ANO3: variants seen among roughly 807,000 people sequenced by gnomAD.
ANO3 encodes anoctamin 3.
A neutral mutation model predicts 144.8 loss-of-function variants in ANO3; 99 were observed. The observed-to-expected ratio is 0.68, with a 90% CI of 0.58 to 0.81. ANO3 has a LOEUF of 0.81. Among genes scored for constraint, ANO3 ranks in the 30% least tolerant of loss-of-function variants. The pLI is 0.00. For missense variants in ANO3, 905 were observed against 1,202.2 expected, an observed-to-expected ratio of 0.75 and a Z score of 3.66; for synonymous variants, 414 against 392.6, an observed-to-expected ratio of 1.05 and a Z score of -0.64.
At chr11:26,328,896 A>T (rs932693345), upstream of ANO3, among the ~76,000 whole-genome samples, 1 of 152,202 alleles carries the variant, frequency 6.6e-6, no homozygotes, top group African/African-American at 2.4e-5. Context: ...CCTTTACTCA[A>T]CTTGCAAGCA....
intron 12 of ANO3, among the ~76,000 whole-genome samples, chr11:26,552,449 G>C (rs1011134618): frequency 3.9e-5 from 6 of 152,000 alleles, no homozygotes; most frequent in Non-Finnish European, 7.4e-5. Context: ...TTCTAGAGAA[G>C]AGTTAATTCA....
chr11:26,212,735 T>C (rs549731242), intron 1 of ANO3, among the ~76,000 whole-genome samples: 1 of 152,078 alleles, frequency 6.6e-6, no homozygotes, highest in Non-Finnish European at 1.5e-5. Context: ...TTCCTTCTGA[T>C]ACTATTCTAA....
intron 6 of ANO3, among the ~76,000 whole-genome samples, chr11:26,523,850 A>C (rs1849087632): frequency 6.6e-6 from 1 of 152,168 alleles, no homozygotes; most frequent in Admixed American, 6.6e-5. Context: ...AATGCCAACC[A>C]ACCCTCTCCA....
intron 1 of ANO3, among the ~76,000 whole-genome samples, chr11:26,202,572 G>A (rs1407474123): frequency 2.0e-5 from 3 of 151,622 alleles, no homozygotes; most frequent in Non-Finnish European, 4.4e-5. Flanking sequence ...GAAAGAAGCT[G>A]TAGAGAAAGT....
At position 26,565,554 on chromosome 11, in the gene ANO3, G is replaced by T. The variant is rs1479949276; in HGVS notation, c.1447+5775G>T. 1 of 1,613,138 alleles carries T rather than the reference G, an allele frequency of 6.2e-7. No individual in the cohort carries two copies. The highest frequency in any genetic ancestry group is 2.2e-5 in the East Asian group (1 of 44,856). On this transcript the variant is annotated intron_variant, in intron 14 of 26. Transcript: ENST00000256737. ...AGGGCTTGTGGAAATGGTAGATGTG[G>T]GTTTTAGACTGCCCAAAGAATGCTC... is the stretch of plus-strand genomic sequence containing the variant.
At chr11:26,516,473 C>T (rs999645467) in intron 5 of ANO3, among the ~76,000 whole-genome samples, 1 of 151,696 alleles carries the variant, frequency 6.6e-6, no homozygotes, top group African/African-American at 2.4e-5. Context: ...GTTTTCTTCC[C>T]CCTCTGAACA....
intron 7 of ANO3, among the ~76,000 whole-genome samples, chr11:26,528,244 A>G (rs1849215886): frequency 6.6e-6 from 1 of 152,138 alleles, no homozygotes; most frequent in African/African-American, 2.4e-5. Context: ...TATTTATTTA[A>G]TTCTCAAAAT....
rs575113835 is a variant in ANO3 at position 26,605,848 on chromosome 11, C to T, written c.1836+6134C>T. Among the ~76,000 whole-genome samples the T allele has an allele frequency of 9.3e-5, 14 of 151,208 alleles. 1 individual carries two copies. In the South Asian group the frequency reaches 2.8e-3, roughly 30 times the overall value. ...TCTCTTTTCGTCTTTATTAGTCTGG[C>T]TAGCAGTCTATTTTGTTAATCTTTT... is the stretch of plus-strand genomic sequence containing the variant. On this transcript the variant is annotated intron_variant, in intron 17 of 26. Transcript: ENST00000256737.
chr11:26,358,204 A>C (rs1405825665), intron 1 of ANO3, among the ~76,000 whole-genome samples: 5 of 120,580 alleles, frequency 4.1e-5, no homozygotes, highest in African/African-American at 1.3e-4. Context: ...ATGGAGTCTC[A>C]CTCTGTCGTC....
chr11:26,491,744 T>C (rs907365959), intron 4 of ANO3, among the ~76,000 whole-genome samples: 1 of 152,246 alleles, frequency 6.6e-6, no homozygotes, highest in African/African-American at 2.4e-5. Flanking sequence ...AATAGTTGAA[T>C]TTTTACCTAC....
At chr11:26,280,264 C>T (rs141506013) in intron 1 of ANO3, among the ~76,000 whole-genome samples, 118 of 152,226 alleles carry the variant, frequency 7.8e-4, no homozygotes, top group African/African-American at 2.8e-3. Flanking sequence ...ATCACATCTA[C>T]CCCGCTAGCC....
intron 24 of ANO3, among the ~76,000 whole-genome samples, chr11:26,655,218 T>TC: frequency 6.6e-6 from 1 of 152,298 alleles, no homozygotes; most frequent in South Asian, 2.1e-4. Flanking sequence ...GGGGCTTCTG[T>TC]ACCTTCCCAT....
At chr11:26,285,518 A>G (rs557851023) in intron 1 of ANO3, among the ~76,000 whole-genome samples, 1 of 152,336 alleles carries the variant, frequency 6.6e-6, no homozygotes, top group East Asian at 1.9e-4. Context: ...CTTATAAAGG[A>G]ATACATTATG....
chr11:26,373,300 C>T (rs766007099), intron 1 of ANO3, among the ~76,000 whole-genome samples: 102 of 152,078 alleles, frequency 6.7e-4, no homozygotes, highest in Admixed American at 1.7e-3. Context: ...GGACGGTTCC[C>T]CCATGCTGTT....
chr11:26,236,687 G>A (rs1034855694), intron 1 of ANO3, among the ~76,000 whole-genome samples: 117 of 151,830 alleles, frequency 7.7e-4, no homozygotes, highest in Non-Finnish European at 1.5e-3. Context: ...GCATGGTGGC[G>A]GGCGCCTGTA....
intron 14 of ANO3, among the ~76,000 whole-genome samples, chr11:26,564,627 G>A (rs2134261416): frequency 6.9e-6 from 1 of 143,900 alleles, no homozygotes; most frequent in East Asian, 2.1e-4. Flanking sequence ...GATTGTGACA[G>A]ATAATTTATA....
intron 1 of ANO3, among the ~76,000 whole-genome samples, chr11:26,239,990 T>C (rs1223965929): frequency 6.6e-6 from 1 of 152,190 alleles, no homozygotes; most frequent in Non-Finnish European, 1.5e-5. Flanking sequence ...ATATAGTAGG[T>C]TTCATATCCT....
chr11:26,286,498 T>G (rs888111910), intron 1 of ANO3, among the ~76,000 whole-genome samples: 1 of 152,230 alleles, frequency 6.6e-6, no homozygotes, highest in Non-Finnish European at 1.5e-5. Flanking sequence ...TAATGTGTGG[T>G]GTTTCTAATG....
intron 12 of ANO3, among the ~76,000 whole-genome samples, chr11:26,548,632 A>C (rs1849850231): frequency 6.6e-6 from 1 of 152,018 alleles, no homozygotes; most frequent in Non-Finnish European, 1.5e-5. Context: ...AAACAGCTTT[A>C]TTGTCCTAGA....
Sources: allele counts gnomAD v4.1 joint callset (sites outside exome capture counted in the v4.1 genomes callset), GRCh38; gene constraint gnomAD v4.1.1; transcripts MANE v1.5; gene names NCBI Gene and HGNC (gene_info 2026-07-23, HGNC 2026-07-21).